ZNF385B: variants seen among roughly 807,000 people sequenced by gnomAD.
The protein encoded by ZNF385B is zinc finger protein 385B, also known as zinc finger protein 533.
A neutral mutation model predicts 39.2 loss-of-function variants in ZNF385B; 23 were observed. The ratio of observed to expected loss-of-function variants is 0.59; its 90% CI spans 0.42 to 0.83. The LOEUF (loss-of-function observed/expected upper bound fraction) is 0.83. Among genes scored for constraint, ZNF385B ranks in the 40% least tolerant of loss-of-function variants. The pLI is 0.00. For synonymous variants in ZNF385B, 205 were observed against 222.6 expected (o/e 0.92, Z 0.70); for missense variants, 552 against 598.9 (o/e 0.92, Z 0.82).
intron 6 of ZNF385B, among the ~76,000 whole-genome samples, chr2:179,480,235 T>C (rs2053849650): frequency 6.6e-6 from 1 of 152,126 alleles, no homozygotes; most frequent in Non-Finnish European, 1.5e-5. Flanking sequence ...TTCAGTCCCA[T>C]GAGATTTGCA....
chr2:179,804,094 C>G (rs1575521400), intron 1 of ZNF385B, among the ~76,000 whole-genome samples: 1 of 152,314 alleles, frequency 6.6e-6, no homozygotes, highest in Admixed American at 6.5e-5. Context: ...TTGCTTCTCT[C>G]CAACACTGGT....
intron 4 of ZNF385B, among the ~76,000 whole-genome samples, chr2:179,533,054 C>A (rs2059349931): frequency 6.6e-6 from 1 of 152,148 alleles, no homozygotes; most frequent in East Asian, 1.9e-4. Context: ...TCTGACATTA[C>A]CCTTGCACTG....
At chr2:179,724,610 C>T (rs1700890881) in intron 3 of ZNF385B, among the ~76,000 whole-genome samples, 1 of 152,124 alleles carries the variant, frequency 6.6e-6, no homozygotes, top group Non-Finnish European at 1.5e-5. Context: ...GCTGACTCAG[C>T]ACAGCAGTTA....
intron 3 of ZNF385B, among the ~76,000 whole-genome samples, chr2:179,733,584 T>C (rs1701536282): frequency 2.0e-5 from 3 of 152,014 alleles, no homozygotes; most frequent in Admixed American, 2.0e-4. Flanking sequence ...AGATTGAGAC[T>C]ATCCTGGCTA....
At chr2:179,618,171 A>C (rs1259596706) in intron 3 of ZNF385B, among the ~76,000 whole-genome samples, 1 of 152,220 alleles carries the variant, frequency 6.6e-6, no homozygotes, top group Non-Finnish European at 1.5e-5. Context: ...ATCAAGGAAG[A>C]ATAAAAAAAC....
chr2:179,770,068 C>G (rs977964396), intron 2 of ZNF385B, among the ~76,000 whole-genome samples: 3 of 152,106 alleles, frequency 2.0e-5, no homozygotes, highest in African/African-American at 7.2e-5. Context: ...CCCATCACCT[C>G]CCACCCTCTT....
At chr2:179,611,126 A>G (rs1574975990) in intron 3 of ZNF385B, among the ~76,000 whole-genome samples, 1 of 152,310 alleles carries the variant, frequency 6.6e-6, no homozygotes, top group East Asian at 1.9e-4. Context: ...TCCATATTTT[A>G]GAGAAAAGGA....
At chr2:179,645,726 G>A (rs1403392903) in intron 3 of ZNF385B, among the ~76,000 whole-genome samples, 1 of 152,180 alleles carries the variant, frequency 6.6e-6, no homozygotes, top group Non-Finnish European at 1.5e-5. Flanking sequence ...TTTCTCATGA[G>A]CCCAGCCTGA....
intron 3 of ZNF385B, among the ~76,000 whole-genome samples, chr2:179,760,027 C>A (rs1370468730): frequency 6.7e-6 from 1 of 150,020 alleles, no homozygotes; most frequent in Admixed American, 6.8e-5. Context: ...GAACACCTTG[C>A]CCAGCTTCTA....
intron 3 of ZNF385B, among the ~76,000 whole-genome samples, chr2:179,764,048 G>T (rs1703551425): frequency 2.6e-5 from 4 of 152,114 alleles, no homozygotes; most frequent in Admixed American, 2.6e-4. Context: ...ATCAGTTGCT[G>T]AGAGTAGGTC....
intron 3 of ZNF385B, among the ~76,000 whole-genome samples, chr2:179,730,809 A>T (rs1388026342): frequency 1.3e-5 from 2 of 152,230 alleles, no homozygotes; most frequent in Non-Finnish European, 2.9e-5. Flanking sequence ...GGGAAATAGA[A>T]TGGTAACAAG....
chr2:179,513,755 T>C (rs754693118), intron 5 of ZNF385B, among the ~76,000 whole-genome samples: 3 of 152,222 alleles, frequency 2.0e-5, no homozygotes, highest in Non-Finnish European at 2.9e-5. Flanking sequence ...TGTGGTTCAT[T>C]TTAGGCCACA....
intron 1 of ZNF385B, among the ~76,000 whole-genome samples, chr2:179,804,196 T>C (rs1422318697): frequency 1.3e-5 from 2 of 152,194 alleles, no homozygotes; most frequent in East Asian, 3.8e-4. Flanking sequence ...CTGAGCTTTC[T>C]CACAAATACC....
intron 3 of ZNF385B, among the ~76,000 whole-genome samples, chr2:179,761,904 C>T (rs1703420321): frequency 6.6e-6 from 1 of 150,538 alleles, no homozygotes. Context: ...GTTTTTCTTG[C>T]CTTATTATAA....
chr2:179,569,960 A>G (rs1685029115), intron 3 of ZNF385B, among the ~76,000 whole-genome samples: 1 of 152,142 alleles, frequency 6.6e-6, no homozygotes, highest in Non-Finnish European at 1.5e-5. Context: ...CTATGTAATA[A>G]ATCTTCCTAG....
At chr2:179,741,661 T>C (rs1702096272) in intron 3 of ZNF385B, among the ~76,000 whole-genome samples, 2 of 152,118 alleles carry the variant, frequency 1.3e-5, no homozygotes, top group Non-Finnish European at 2.9e-5. Flanking sequence ...TAATATGTTA[T>C]AAAGTTGTTA....
intron 3 of ZNF385B, among the ~76,000 whole-genome samples, chr2:179,584,958 G>A (rs1686934554): frequency 6.6e-6 from 1 of 152,166 alleles, no homozygotes; most frequent in South Asian, 2.1e-4. Context: ...CACACAGAGA[G>A]CAAATGAGGA....
chr2:179,644,496 C>T (rs556919317), intron 3 of ZNF385B, among the ~76,000 whole-genome samples: 46 of 152,254 alleles, frequency 3.0e-4, no homozygotes, highest in African/African-American at 1.1e-3. Flanking sequence ...AACAGAAAAG[C>T]TGCCCTTTGT....
chr2:179,455,964 G>A (rs2105446116), intron 6 of ZNF385B, among the ~76,000 whole-genome samples: 1 of 152,010 alleles, frequency 6.6e-6, no homozygotes, highest in African/African-American at 2.4e-5. Flanking sequence ...ATTTAGCTTA[G>A]GCCTGTAGTA....
Sources: gnomAD v4.1 joint callset for allele counts (sites outside exome capture counted in the v4.1 genomes callset) on GRCh38, gnomAD v4.1.1 for gene constraint, MANE v1.5 for transcripts, NCBI Gene and HGNC (gene_info 2026-07-23, HGNC 2026-07-21) for gene names.